MATN4: variants seen among roughly 807,000 people sequenced by gnomAD.
MATN4 encodes the protein matrilin-4.
A neutral mutation model predicts 54.6 loss-of-function variants in MATN4; 40 were observed. That is an observed-to-expected ratio of 0.73 (90% CI 0.57 to 0.95). The LOEUF is 0.95. Ranked by LOEUF, MATN4 falls within the 40% of genes least tolerant of loss-of-function variation. The pLI is 0.00. For synonymous variants in MATN4, 351 were observed against 345.3 expected, an observed-to-expected ratio of 1.02 and a Z score of -0.18; for missense variants, 810 against 819.1, an observed-to-expected ratio of 0.99 and a Z score of 0.13.
At chr20:45,301,504 AC>A in intron 3 of MATN4, 61 bp from the exon 4 acceptor site, 1 of 1,553,756 alleles carries the variant, frequency 6.4e-7, no homozygotes, top group Non-Finnish European at 8.7e-7. Context: ...TGGTAGCACA[AC>A]CACCTAAGGA....
intron 2 of MATN4, among the ~76,000 whole-genome samples, chr20:45,305,258 G>GT (rs771273883): frequency 9.9e-5 from 15 of 152,124 alleles, no homozygotes; most frequent in Non-Finnish European, 1.6e-4. Flanking sequence ...AAATTTCCTG[G>GT]TTTTTTTCCA....
At chr20:45,306,173 G>T (rs755913651) in intron 1 of MATN4, among the ~76,000 whole-genome samples, 4 of 152,102 alleles carry the variant, frequency 2.6e-5, no homozygotes, top group Non-Finnish European at 5.9e-5. Context: ...GAAAAAAACA[G>T]GTCTTCCTTA....
chr20:45,298,139 C>T lies in MATN4; in HGVS notation c.1426+31G>A. On this transcript the variant is annotated intron_variant, in intron 7 of 9. Transcript: ENST00000372756. This position sits in a 1 kb window ranked among gnomAD's most constrained non-coding sequence, Gnocchi z 4.6. ...GCTGCCTCCCAGCGTCTGACCCAAC[C>T]CCAGCCCACTGTGTCCCATGCCAAG... 6.2e-7 allele frequency: 1 copy of T among 1,600,650 alleles called. No individual in the cohort carries two copies. Among genetic ancestry groups the T allele is most frequent in the Non-Finnish European group, 8.5e-7 (1 of 1,170,672 alleles).
rs912740982 is a variant in MATN4, at chr20:45,308,189, C to T, written c.-49G>A. ...CTTTGACTCACCTGAGCCTGCAGGA[C>T]AGATCAGAGATGCAGCTGCAGAGCG... On this transcript the variant is annotated 5_prime_UTR_variant, in exon 1 of 10. Transcript: ENST00000372756. 6.2e-7 allele frequency: 1 copy of T among 1,613,994 alleles called. No homozygotes were observed. Among genetic ancestry groups the T allele is most frequent in the African/African-American group, 1.3e-5 (1 of 74,936 alleles).
intron 1 of MATN4, chr20:45,306,781 C>A: frequency 1.6e-6 from 1 of 608,228 alleles, no homozygotes; most frequent in Non-Finnish European, 2.5e-6. Flanking sequence ...GGGGCCGGGG[C>A]CCGGGGCCTT....
intron 8 of MATN4, 152 bp from the exon 9 acceptor site, chr20:45,294,167 A>G (rs1985665204): frequency 3.2e-6 from 2 of 633,028 alleles, no homozygotes; most frequent in South Asian, 3.7e-5. Context: ...TGAGATACTG[A>G]AAAACTCACT....
Position 45,298,324 on chromosome 20 carries a change from T to A in MATN4, c.1272A>T (p.Thr424=), listed in dbSNP as rs147770516. 6.1e-5 allele frequency: 98 copies of A among 1,613,524 alleles called. No homozygotes were observed. In the Middle Eastern group the frequency reaches 1.5e-3, roughly 24 times the overall value. Residue 424 remains threonine, a synonymous_variant, in exon 7 of 10, where the codon ACA becomes ACT. Transcript: ENST00000372756. This position sits in a 1 kb window ranked among gnomAD's most constrained non-coding sequence, Gnocchi z 4.6. ...AVEYMERGTM[T]GLALRHMVEH... is the part of the protein sequence containing the mutation. ...CCACCATGTGCCGCAACGCCAGCCC[T>A]GTCATGGTGCCGCGTTCCATGTACT...
At chr20:45,295,281 T>C (rs1985738808) in intron 8 of MATN4, among the ~76,000 whole-genome samples, 1 of 152,186 alleles carries the variant, frequency 6.6e-6, no homozygotes, top group Non-Finnish European at 1.5e-5. Flanking sequence ...CAAAGTGTGG[T>C]CCTTGGACCA....
rs577206489 is a variant in MATN4, at chr20:45,308,059, A to G, written c.-35+116T>C. On this transcript the variant is annotated intron_variant, in intron 1 of 9. Transcript: ENST00000372756. ...GGACCCTGCAGAAGTGGGGAAGGGCACTGCAAATCAGATAGGGCACCCTAG... is the reference window on the plus strand; with the variant it reads ...GGACCCTGCAGAAGTGGGGAAGGGCGCTGCAAATCAGATAGGGCACCCTAG... 9.1e-6 allele frequency: 8 copies of G among 881,982 alleles called. No homozygotes were observed. In the Admixed American group the frequency reaches 1.6e-4, roughly 18 times the overall value. The allele number at this position is 881,982 out of a possible 1,614,324, so 54.6% of individuals were successfully genotyped here.
chr20:45,306,785 G>A (rs1428516197), intron 1 of MATN4: 1 of 633,188 alleles, frequency 1.6e-6, no homozygotes, highest in Non-Finnish European at 2.3e-6. Context: ...CCGGGGCCCG[G>A]GGCCTTGGAG....
At chr20:45,299,659 C>T (rs1986088069) in intron 6 of MATN4, among the ~76,000 whole-genome samples, 1 of 151,750 alleles carries the variant, frequency 6.6e-6, no homozygotes, top group South Asian at 2.1e-4. Flanking sequence ...GGGCAGATCA[C>T]TTGAGGTTAG....
chr20:45,305,626 G>A lies in MATN4; in HGVS notation c.-34-10C>T. ...ATGGAGGTGTCAGAGCCTGGAGGGA[G>A]GAAGGAAAATAGAAAAGCAACAGTA... On this transcript the variant is annotated splice_polypyrimidine_tract_variant and intron_variant, in intron 1 of 9. Coordinates refer to ENST00000372756, the MANE Select transcript of MATN4 (RefSeq NM_001393530.1). The A allele has an allele frequency of 7.1e-7, 1 of 1,412,960 alleles. No homozygotes were observed. The highest frequency in any genetic ancestry group is 9.8e-7 in the Non-Finnish European group (1 of 1,021,250). 87.5% of individuals were successfully genotyped at this position (1,412,960 alleles called of 1,614,324 possible). A position where few individuals can be genotyped will look rare whatever the true frequency, so the allele number is the denominator to read the frequency against.
At position 45,304,607 on chromosome 20, in the gene MATN4, G is replaced by A. The variant is rs1171887848; in HGVS notation, c.264C>T (p.Leu88=). 3.7e-6 allele frequency: 6 copies of A among 1,600,834 alleles called. No homozygotes were observed. The change falls in exon 3 of 10, where the codon CTC becomes CTT. Residue 88 remains leucine (L), a synonymous_variant. Coordinates refer to ENST00000372756, the MANE Select transcript of MATN4 (RefSeq NM_001393530.1). ...TGTCCTCGCGGCGAGAGAACGCGCGGAGAGGGAAGACGCTCTGCACTTGAC... is the reference window on the plus strand; with the variant it reads ...TGTCCTCGCGGCGAGAGAACGCGCGAAGAGGGAAGACGCTCTGCACTTGAC... ...YSSQVQSVFP[L]RAFSRREDME...
In MATN4 at chr20:45,300,898, T is replaced by C; in HGVS notation, c.1001A>G (p.Lys334Arg). Residue 334 changes from lysine (K) to arginine (R), a missense_variant, in exon 6 of 10, where the codon AAG (lysine) becomes AGG (arginine). Lys to Arg is a conservative substitution (Grantham distance 26). Transcript: ENST00000372756. ...PEGRQLQADG[K>R]SCNRCREGHV... ...CGCCCATCACTCACGGTTGCAGCTC[T>C]TGCCATCTGCCTGAAGTTGCCGCCC... is the stretch of plus-strand genomic sequence containing the variant. 1 of 1,611,746 alleles carries C rather than the reference T, an allele frequency of 6.2e-7. No individual in the cohort carries two copies.
At position 45,304,670 on chromosome 20, in the gene MATN4, A is replaced by G. The variant is rs1241217455; in HGVS notation, c.201T>C (p.Gly67=). 6.2e-7 allele frequency: 1 copy of G among 1,612,726 alleles called. No individual in the cohort carries two copies. The highest frequency in any genetic ancestry group is 1.7e-5 in the Admixed American group (1 of 60,020). The change falls in exon 3 of 10, where the codon GGT becomes GGC. Residue 67 remains glycine, a synonymous_variant. Transcript: ENST00000372756. ...TCACGCCAACGCGCGTGGCGTTGGG[A>G]CCCACGTTCAGGCCTCGGAGGAGGC... is the stretch of plus-strand genomic sequence containing the variant. ...LMGLLRGLNV[G]PNATRVGVIQ... is the part of the protein sequence containing the mutation.
At chr20:45,299,931 T>C (rs1039254212) in intron 6 of MATN4, among the ~76,000 whole-genome samples, 24 of 142,346 alleles carry the variant, frequency 1.7e-4, no homozygotes, top group Non-Finnish European at 2.7e-4. Flanking sequence ...GTCTTCACCA[T>C]GTGAGGACAC....
intron 4 of MATN4, 34 bp from the exon 5 acceptor site, chr20:45,301,258 T>A: frequency 6.2e-7 from 1 of 1,613,366 alleles, no homozygotes; most frequent in Non-Finnish European, 8.5e-7. Context: ...AGATGTTGCC[T>A]CTGATTGGAG....
chr20:45,305,442 CT>C, intron 2 of MATN4, 67 bp downstream of exon 2: 1 of 1,250,038 alleles, frequency 8.0e-7, no homozygotes, highest in South Asian at 1.3e-5. Flanking sequence ...GCAGGAGGAG[CT>C]GGCTGCAGAG....
chr20:45,298,199 G>C lies in MATN4; in HGVS notation c.1397C>G (p.Ser466Trp). The change falls in exon 7 of 10, where the codon TCG becomes TGG. Residue 466 changes from serine (S) to tryptophan (W), a missense_variant. By Grantham distance (177) the Ser-to-Trp change is radical. Coordinates refer to ENST00000372756, the MANE Select transcript of MATN4 (RefSeq NM_001393530.1). This position sits in a 1 kb window ranked among gnomAD's most constrained non-coding sequence, Gnocchi z 4.6. ...CTCCTTGGCGCGCGCTGCCCACACC[G>C]AGATGTCATCCTGGGAGCGGCCATC... Reference protein sequence around the residue: ...FTDGRSQDDISVWAARAKEEG... With the variant: ...FTDGRSQDDIWVWAARAKEEG... 6.2e-7 allele frequency: 1 copy of C among 1,601,450 alleles called. No homozygotes were observed. Among genetic ancestry groups the C allele is most frequent in the Non-Finnish European group, 8.5e-7 (1 of 1,170,818 alleles).
Sources: gnomAD v4.1 joint callset for allele counts (sites outside exome capture counted in the v4.1 genomes callset) on GRCh38, gnomAD v4.1.1 for gene constraint, Gnocchi (gnomAD v3.1) non-coding constraint, MANE v1.5 for transcripts, NCBI Gene and HGNC (gene_info 2026-07-23, HGNC 2026-07-21) for gene names.